NFASC: variants seen among roughly 807,000 people sequenced by gnomAD.
NFASC encodes the protein neurofascin.
Under a neutral mutation model 147.5 loss-of-function variants are expected in NFASC, and 43 were observed. The ratio of observed to expected loss-of-function variants is 0.29; its 90% CI spans 0.23 to 0.38. The LOEUF (loss-of-function observed/expected upper bound fraction) is 0.38, where lower values mean the gene tolerates loss of function less well. Ranked by LOEUF, NFASC falls within the 10% of genes least tolerant of loss-of-function variation. The pLI is 1.00. For missense variants in NFASC, 1,320 were observed against 1,689.0 expected, an observed-to-expected ratio of 0.78 and a Z score of 3.83; for synonymous variants, 622 against 665.5, an observed-to-expected ratio of 0.93 and a Z score of 1.01.
At chr1:204,904,810 A>G (rs908039569) in intron 1 of NFASC, among the ~76,000 whole-genome samples, 2 of 152,074 alleles carry the variant, frequency 1.3e-5, no homozygotes, top group Admixed American at 6.6e-5. Context: ...CACTCTCATC[A>G]TTGGTCCATG....
intron 17 of NFASC, 101 bp downstream of exon 17, chr1:204,977,826 G>A (rs1447622124): frequency 7.3e-6 from 8 of 1,095,342 alleles, no homozygotes; most frequent in Non-Finnish European, 9.4e-6. Context: ...GCGACAGTGT[G>A]TAGGTTTGTG....
chr1:204,869,414 T>G (rs1269185667), intron 1 of NFASC, among the ~76,000 whole-genome samples: 3 of 152,244 alleles, frequency 2.0e-5, no homozygotes, highest in African/African-American at 7.2e-5. Flanking sequence ...ATAATTTCAC[T>G]GCTCAAAGAT....
At chr1:204,893,743 A>G (rs922668396) in intron 1 of NFASC, among the ~76,000 whole-genome samples, 1 of 152,222 alleles carries the variant, frequency 6.6e-6, no homozygotes. Context: ...CTGCTCTGGC[A>G]GTTTTAGGCT....
At chr1:204,905,250 T>G (rs2085568600) in intron 1 of NFASC, among the ~76,000 whole-genome samples, 1 of 152,190 alleles carries the variant, frequency 6.6e-6, no homozygotes, top group Admixed American at 6.5e-5. Flanking sequence ...ACACCTGGCT[T>G]ATTTTTAATT....
intron 1 of NFASC, among the ~76,000 whole-genome samples, chr1:204,847,008 G>C (rs530722472): frequency 6.2e-4 from 94 of 151,512 alleles, no homozygotes; most frequent in African/African-American, 2.1e-3. Context: ...AGAAAAGAAG[G>C]TGTTAAGCCT....
In NFASC at chr1:204,987,615, C is replaced by A; in HGVS notation, c.2593+75C>A. 6.4e-7 allele frequency: 1 copy of A among 1,569,680 alleles called. No homozygotes were observed. The highest frequency in any genetic ancestry group is 8.7e-7 in the Non-Finnish European group (1 of 1,145,162). On this transcript the variant is annotated intron_variant, in intron 22 of 29. Transcript: ENST00000339876. This position sits in a 1 kb window ranked among gnomAD's most constrained non-coding sequence, Gnocchi z 4.4. Reference sequence around the variant, plus strand: ...CCATTCTCACCACTTTTCCTAAGGACTCAAGGTAGAAAGCCTGTGGGTGCA... The same window carrying A: ...CCATTCTCACCACTTTTCCTAAGGAATCAAGGTAGAAAGCCTGTGGGTGCA...
At chr1:204,996,095 G>A (rs2150761945) in intron 24 of NFASC, among the ~76,000 whole-genome samples, 1 of 152,220 alleles carries the variant, frequency 6.6e-6, no homozygotes, top group East Asian at 1.9e-4. Context: ...TAAGGATAGG[G>A]CAGCCCTTTC....
At chr1:204,966,757 A>G (rs2094969653) in intron 8 of NFASC, among the ~76,000 whole-genome samples, 1 of 152,090 alleles carries the variant, frequency 6.6e-6, no homozygotes, top group African/African-American at 2.4e-5. Flanking sequence ...CAATCCATTC[A>G]CCTTATAAAC....
At chr1:205,004,512 GCT>G (rs2096065722) in intron 27 of NFASC, among the ~76,000 whole-genome samples, 1 of 152,224 alleles carries the variant, frequency 6.6e-6, no homozygotes, top group African/African-American at 2.4e-5. Context: ...GATGAGCCCA[GCT>G]CTGAGTACAT....
intron 1 of NFASC, among the ~76,000 whole-genome samples, chr1:204,839,366 GAA>G (rs1298821209): frequency 2.4e-5 from 3 of 126,538 alleles, no homozygotes; most frequent in African/African-American, 9.2e-5. Context: ...AGGCACGTAT[GAA>G]ACACACACAC....
At chr1:205,013,347 G>A (rs148572914) in intron 29 of NFASC, among the ~76,000 whole-genome samples, 3,461 of 152,258 alleles carry the variant, frequency 0.023, 71 homozygotes, top group Middle Eastern at 0.13. Context: ...TGAAGGTGGG[G>A]TGATTCCAGG....
chr1:204,965,769 C>G (rs1013209351), intron 8 of NFASC, among the ~76,000 whole-genome samples: 49 of 152,240 alleles, frequency 3.2e-4, no homozygotes, highest in African/African-American at 1.1e-3. Context: ...CTGAAGCTGA[C>G]TGTCAGAAGT....
At chr1:204,933,585 G>A (rs1179490578) in intron 2 of NFASC, among the ~76,000 whole-genome samples, 1 of 152,202 alleles carries the variant, frequency 6.6e-6, no homozygotes, top group East Asian at 1.9e-4. Context: ...TGTCTCAGAA[G>A]CCAAGGAAGA....
Position 205,016,413 on chromosome 1 carries a change from G to A in NFASC, c.3597G>A (p.Glu1199=), listed in dbSNP as rs750997031. 2 of 1,614,142 alleles carry A rather than the reference G, an allele frequency of 1.2e-6. No individual in the cohort carries two copies. Among genetic ancestry groups the A allele is most frequent in the Non-Finnish European group, 1.7e-6 (2 of 1,180,026 alleles). ...TGGTGGACTATGGCGAGGGTGGCGA[G>A]GGTCAGTTCAATGAAGACGGCTCCT... ...DSLVDYGEGG[E]GQFNEDGSFI... is the part of the protein sequence containing the mutation. The change falls in exon 30 of 30, where the codon GAG becomes GAA. Residue 1199 remains glutamate (E), a synonymous_variant. Coordinates refer to ENST00000339876, the MANE Select transcript of NFASC (RefSeq NM_001005388.3). The surrounding 1 kb of genome is among the most constrained non-coding windows in gnomAD (Gnocchi z 5.1).
intron 1 of NFASC, among the ~76,000 whole-genome samples, chr1:204,841,224 GTTA>G (rs1453910373): frequency 6.6e-6 from 1 of 152,154 alleles, no homozygotes; most frequent in East Asian, 1.9e-4. Flanking sequence ...CTGATTAAAC[GTTA>G]TTATTCCCAT....
intron 3 of NFASC, 97 bp downstream of exon 3, chr1:204,944,503 G>C: frequency 1.1e-6 from 1 of 926,172 alleles, no homozygotes; most frequent in South Asian, 1.8e-5. Flanking sequence ...ATAATCCAAG[G>C]AGATTGAGGA....
intron 1 of NFASC, among the ~76,000 whole-genome samples, chr1:204,847,000 A>G (rs2075233770): frequency 2.0e-5 from 3 of 148,310 alleles, no homozygotes; most frequent in Admixed American, 2.0e-4. Flanking sequence ...GAAGAGGGAG[A>G]AAAGAAGGTG....
intron 20 of NFASC, 95 bp from the exon 21 acceptor site, chr1:204,981,703 G>T: frequency 1.3e-6 from 1 of 779,150 alleles, no homozygotes; most frequent in Non-Finnish European, 2.0e-6. Flanking sequence ...GGGCACATCT[G>T]GAAGGGATGC....
chr1:204,953,581 C>T (rs2094261053), intron 5 of NFASC, among the ~76,000 whole-genome samples: 1 of 152,194 alleles, frequency 6.6e-6, no homozygotes, highest in South Asian at 2.1e-4. Flanking sequence ...CAGGCGTGAG[C>T]CACCGCGCCC....
Sources: allele counts gnomAD v4.1 joint callset (sites outside exome capture counted in the v4.1 genomes callset), GRCh38; gene constraint gnomAD v4.1.1; non-coding constraint Gnocchi (gnomAD v3.1); transcripts MANE v1.5; gene names NCBI Gene and HGNC (gene_info 2026-07-23, HGNC 2026-07-21).